The following ENPP3 variants were observed in gnomAD, a reference collection of about 807,000 sequenced individuals.
ENPP3 encodes ectonucleotide pyrophosphatase/phosphodiesterase 3.
Under a neutral mutation model 117.8 loss-of-function variants are expected in ENPP3, and 104 were observed. That is an observed-to-expected ratio of 0.88 (90% CI 0.75 to 1.04). The LOEUF (loss-of-function observed/expected upper bound fraction) is 1.04, where lower values mean the gene tolerates loss of function less well. Ranked by LOEUF, ENPP3 falls within the 50% of genes least tolerant of loss-of-function variation. ENPP3 has a pLI of 0.00. For missense variants in ENPP3, 1,026 were observed against 1,051.9 expected, an observed-to-expected ratio of 0.98 and a Z score of 0.34; for synonymous variants, 380 against 349.9, an observed-to-expected ratio of 1.09 and a Z score of -0.96.
At chr6:131,717,328 AAAC>A (rs1334627966) in intron 15 of ENPP3, among the ~76,000 whole-genome samples, 1 of 148,162 alleles carries the variant, frequency 6.7e-6, no homozygotes, top group East Asian at 2.0e-4. Flanking sequence ...GAGTTTGTAA[AAAC>A]AAACAGAAAC....
intron 6 of ENPP3, among the ~76,000 whole-genome samples, chr6:131,667,426 G>A (rs751579533): frequency 1.3e-5 from 2 of 152,202 alleles, no homozygotes; most frequent in Non-Finnish European, 2.9e-5. Context: ...AAGAGCAGAA[G>A]CTGTGGTGAG....
In ENPP3 at chr6:131,675,209, T is replaced by C. The variant is rs752297674; in HGVS notation, c.872+20T>C. On this transcript the variant is annotated intron_variant, in intron 9 of 24. Transcript: ENST00000357639. ...CAACGGGTAGTGAAGCACTTTCAGA[T>C]ATTCTCCCAGCTAGGCAGAAATGAT... is the stretch of plus-strand genomic sequence containing the variant. The C allele has an allele frequency of 7.7e-7, 1 of 1,306,316 alleles. No individual in the cohort carries two copies. The highest frequency in any genetic ancestry group is 1.2e-5 in the South Asian group (1 of 84,672). The allele number at this position is 1,306,316 out of a possible 1,614,324, so 80.9% of individuals were successfully genotyped here.
At chr6:131,725,345 C>G (rs1054048287) in intron 19 of ENPP3, among the ~76,000 whole-genome samples, 1 of 152,082 alleles carries the variant, frequency 6.6e-6, no homozygotes, top group Admixed American at 6.5e-5. Context: ...GCTGGGAAAC[C>G]CAAGATCAAG....
At chr6:131,659,743 G>A (rs1172542187) in intron 6 of ENPP3, among the ~76,000 whole-genome samples, 1 of 152,088 alleles carries the variant, frequency 6.6e-6, no homozygotes, top group Admixed American at 6.5e-5. Flanking sequence ...TCCAAATCCA[G>A]GACCTGTCAT....
In ENPP3 at chr6:131,718,668, A is replaced by G. The variant is rs369586766; in HGVS notation, c.1413-4A>G. 3 of 1,530,968 alleles carry G rather than the reference A, an allele frequency of 2.0e-6. No homozygotes were observed. Among genetic ancestry groups the G allele is most frequent in the South Asian group, 2.3e-5 (2 of 88,088 alleles). 94.8% of individuals were successfully genotyped at this position (1,530,968 alleles called of 1,614,324 possible). A position where few individuals can be genotyped will look rare whatever the true frequency, so the allele number is the denominator to read the frequency against. Reference sequence around the variant, plus strand: ...CAGTGTGTAATAATATTTTTTCTTTATAGGAGTAAATCAAATACAAATTGT... The same window carrying G: ...CAGTGTGTAATAATATTTTTTCTTTGTAGGAGTAAATCAAATACAAATTGT... On this transcript the variant is annotated splice_region_variant and splice_polypyrimidine_tract_variant and intron_variant, in intron 15 of 24. Coordinates refer to ENST00000357639, the MANE Select transcript of ENPP3 (RefSeq NM_005021.5).
chr6:131,692,661 A>AAT (rs947100860), intron 14 of ENPP3, among the ~76,000 whole-genome samples: 2 of 147,188 alleles, frequency 1.4e-5, no homozygotes, highest in Non-Finnish European at 3.0e-5. Flanking sequence ...ATAGTGGTTT[A>AAT]ATATATATAT....
chr6:131,676,860 A>AC, intron 10 of ENPP3, 59 bp downstream of exon 10: 2 of 1,138,636 alleles, frequency 1.8e-6, no homozygotes, highest in Non-Finnish European at 2.6e-6. Flanking sequence ...TAAAAAATGA[A>AC]GTTTTTTTTT....
chr6:131,696,230 T>G (rs1779402091), intron 15 of ENPP3, among the ~76,000 whole-genome samples: 1 of 152,198 alleles, frequency 6.6e-6, no homozygotes, highest in African/African-American at 2.4e-5. Context: ...TAGCTTTTAA[T>G]TTTGGATCAG....
At chr6:131,745,715 G>A (rs1035345837) in intron 24 of ENPP3, among the ~76,000 whole-genome samples, 22 of 152,084 alleles carry the variant, frequency 1.4e-4, no homozygotes, top group African/African-American at 4.3e-4. Context: ...TTACACCCAC[G>A]GTTTGGCAAA....
intron 1 of ENPP3, chr6:131,638,378 C>G (rs945462420): frequency 3.2e-6 from 1 of 314,694 alleles, no homozygotes; most frequent in Non-Finnish European, 6.2e-6. Flanking sequence ...TTCACTAAAC[C>G]CTATCTAAGA....
intron 23 of ENPP3, among the ~76,000 whole-genome samples, chr6:131,739,630 T>A (rs1423658066): frequency 6.7e-6 from 1 of 149,104 alleles, no homozygotes; most frequent in African/African-American, 2.5e-5. Flanking sequence ...ATTCTAACAT[T>A]TTTTCATGTT....
chr6:131,740,739 G>A (rs1020636642), intron 24 of ENPP3, among the ~76,000 whole-genome samples: 12 of 151,874 alleles, frequency 7.9e-5, no homozygotes, highest in African/African-American at 1.9e-4. Flanking sequence ...GTTTGAATGC[G>A]TGCATACTTT....
chr6:131,669,505 T>G (rs1345064748), intron 6 of ENPP3, among the ~76,000 whole-genome samples: 1 of 151,366 alleles, frequency 6.6e-6, no homozygotes, highest in African/African-American at 2.4e-5. Flanking sequence ...AAACTCCATC[T>G]CTACTAAAAA....
At chr6:131,664,613 T>G (rs1273256397) in intron 6 of ENPP3, among the ~76,000 whole-genome samples, 1 of 152,206 alleles carries the variant, frequency 6.6e-6, no homozygotes, top group Non-Finnish European at 1.5e-5. Context: ...ACTGACTTAC[T>G]CAGAGCAACT....
chr6:131,654,081 T>G (rs1298731111), intron 5 of ENPP3, among the ~76,000 whole-genome samples: 1 of 151,284 alleles, frequency 6.6e-6, no homozygotes, highest in Non-Finnish European at 1.5e-5. Flanking sequence ...TTAGGAGGAA[T>G]TGGTAGAGGC....
chr6:131,675,098 T>C lies in ENPP3; in HGVS notation c.781T>C (p.Tyr261His). Residue 261 changes from tyrosine to histidine, a missense_variant, in exon 9 of 25, where the codon TAT (tyrosine) becomes CAT (histidine). Transcript: ENST00000357639. ...CTTACAGATGTGGCTGACAGCAATG[T>C]ATCAAGGTTTAAAAGCCGCTACCTA... ...HGQPMWLTAM[Y>H]QGLKAATYFW... 2 of 1,613,096 alleles carry C rather than the reference T, an allele frequency of 1.2e-6. No homozygotes were observed. The highest frequency in any genetic ancestry group is 2.2e-5 in the South Asian group (2 of 91,060).
intron 6 of ENPP3, among the ~76,000 whole-genome samples, chr6:131,659,294 A>T (rs748731095): frequency 1.1e-4 from 16 of 151,120 alleles, no homozygotes; most frequent in African/African-American, 2.0e-4. Context: ...TTTAATAATA[A>T]TTTTTTTTTA....
intron 7 of ENPP3, among the ~76,000 whole-genome samples, chr6:131,673,531 G>T (rs1251612333): frequency 6.6e-6 from 1 of 152,114 alleles, no homozygotes; most frequent in Non-Finnish European, 1.5e-5. Flanking sequence ...AGGCAGGAGG[G>T]TGGGAGGAGG....
intron 3 of ENPP3, among the ~76,000 whole-genome samples, chr6:131,650,402 T>C (rs1415151597): frequency 1.3e-5 from 2 of 152,076 alleles, no homozygotes; most frequent in Non-Finnish European, 2.9e-5. Flanking sequence ...TTTAATTTTT[T>C]TGTAGAGACA....
Sources: allele counts gnomAD v4.1 joint callset (sites outside exome capture counted in the v4.1 genomes callset), GRCh38; gene constraint gnomAD v4.1.1; transcripts MANE v1.5; gene names NCBI Gene and HGNC (gene_info 2026-07-23, HGNC 2026-07-21).